The following TVP23A variants were observed in gnomAD, a reference collection of about 807,000 sequenced individuals.
The protein encoded by TVP23A is Golgi apparatus membrane protein TVP23 homolog A.
TVP23A carries 21 observed loss-of-function variants against 31.7 expected under a neutral mutation model. The observed-to-expected ratio is 0.66, with a 90% CI of 0.47 to 0.95. The LOEUF is 0.95. Among genes scored for constraint, TVP23A ranks in the 40% least tolerant of loss-of-function variants. The pLI is 0.00. For missense variants in TVP23A, 279 were observed against 255.6 expected (o/e 1.09, Z -0.62); for synonymous variants, 104 against 96.0 (o/e 1.08, Z -0.49).
intron 2 of TVP23A, among the ~76,000 whole-genome samples, chr16:10,776,498 G>A (rs2032030743): frequency 6.6e-6 from 1 of 152,190 alleles, no homozygotes; most frequent in African/African-American, 2.4e-5. Flanking sequence ...GTTTCTTTCT[G>A]TGGTTTCCCA....
At chr16:10,811,220 T>C (rs2034184697) in intron 2 of TVP23A, among the ~76,000 whole-genome samples, 6 of 152,168 alleles carry the variant, frequency 3.9e-5, no homozygotes, top group Admixed American at 3.9e-4. Flanking sequence ...CAAAACTGAA[T>C]CATACACTTT....
intron 2 of TVP23A, among the ~76,000 whole-genome samples, chr16:10,776,150 G>A (rs543380554): frequency 5.3e-5 from 8 of 151,396 alleles, no homozygotes; most frequent in South Asian, 4.2e-4. Flanking sequence ...CGAGGCGGGC[G>A]GATCACCTGA....
rs543949006 is a variant in TVP23A, at chr16:10,761,532, G to A, written c.*243C>T. 9.9e-5 allele frequency: 140 copies of A among 1,414,000 alleles called. 1 individual carries two copies. In the South Asian group the frequency reaches 1.3e-3, roughly 14 times the overall value. 87.6% of individuals were successfully genotyped at this position (1,414,000 alleles called of 1,614,324 possible). A position where few individuals can be genotyped will look rare whatever the true frequency, so the allele number is the denominator to read the frequency against. On this transcript the variant is annotated 3_prime_UTR_variant and NMD_transcript_variant, in exon 9 of 9. Transcript: ENST00000456096. Reference sequence around the variant, plus strand: ...ATCTTGCTCTCATGGATGAGGAAACGATCGGAAGGCTGCTCTGCAAACTAT... The same window carrying A: ...ATCTTGCTCTCATGGATGAGGAAACAATCGGAAGGCTGCTCTGCAAACTAT...
chr16:10,812,166 A>G (rs1391433398), intron 2 of TVP23A, among the ~76,000 whole-genome samples: 3 of 151,404 alleles, frequency 2.0e-5, no homozygotes, highest in South Asian at 2.1e-4. Context: ...CAGCAGCATC[A>G]TTAACCATTA....
At position 10,777,049 on chromosome 16, in the gene TVP23A, A is replaced by G. The variant is rs1333405530; in HGVS notation, c.90-1953T>C. Among the ~76,000 whole-genome samples the G allele has an allele frequency of 6.6e-6, 1 of 152,182 alleles. No homozygotes were observed. The highest frequency in any genetic ancestry group is 1.5e-5 in the Non-Finnish European group (1 of 68,034). On this transcript the variant is annotated intron_variant, in intron 2 of 7. Coordinates refer to ENST00000299866, the MANE Select transcript of TVP23A (RefSeq NM_001079512.4). The surrounding 1 kb of genome is among the most constrained non-coding windows in gnomAD (Gnocchi z 4.5). ...GTGACTTAGAATGCCTTAACCGTCC[A>G]GGAATGCAGCCCAGTAGGTCTCAGC...
downstream of TVP23A, among the ~76,000 whole-genome samples, chr16:10,762,630 G>C (rs552741112): frequency 1.3e-5 from 2 of 152,350 alleles, no homozygotes; most frequent in East Asian, 3.9e-4. Context: ...GGTCTGAGGG[G>C]AGAACAGAGA....
intron 2 of TVP23A, among the ~76,000 whole-genome samples, chr16:10,775,810 G>A (rs1399001851): frequency 1.4e-5 from 2 of 141,962 alleles, no homozygotes; most frequent in African/African-American, 2.7e-5. Flanking sequence ...GTGCAGTGGC[G>A]TGATCTCGGT....
Position 10,818,478 on chromosome 16 carries a change from G to A in TVP23A, c.9+7C>T, listed in dbSNP as rs1315949964. On this transcript the variant is annotated splice_region_variant and intron_variant, in intron 1 of 7. Coordinates refer to ENST00000299866, the MANE Select transcript of TVP23A (RefSeq NM_001079512.4). This position sits in a 1 kb window ranked among gnomAD's most constrained non-coding sequence, Gnocchi z 4.7. ...CGCCTCCAGCCCCAGCATCCCCGAG[G>A]CCCTACCTGCTTCATCACCCTCCCA... 1 of 1,604,964 alleles carries A rather than the reference G, an allele frequency of 6.2e-7. No individual in the cohort carries two copies. Among genetic ancestry groups the A allele is most frequent in the Non-Finnish European group, 8.5e-7 (1 of 1,178,714 alleles).
chr16:10,782,223 A>G (rs1596517352), intron 2 of TVP23A, among the ~76,000 whole-genome samples: 1 of 152,188 alleles, frequency 6.6e-6, no homozygotes, highest in East Asian at 1.9e-4. Flanking sequence ...AAAAATCACA[A>G]GTGAACTCAC....
At chr16:10,774,768 G>A (rs902695689) in intron 3 of TVP23A, among the ~76,000 whole-genome samples, 184 bp downstream of exon 3, 12 of 151,936 alleles carry the variant, frequency 7.9e-5, no homozygotes, top group Admixed American at 2.6e-4. Flanking sequence ...ACACCACCGC[G>A]CCAGGCTAAT....
At chr16:10,805,670 CA>C (rs1296815123) in intron 2 of TVP23A, among the ~76,000 whole-genome samples, 1 of 151,372 alleles carries the variant, frequency 6.6e-6, no homozygotes, top group Admixed American at 6.6e-5. Context: ...TTTTTTATCA[CA>C]TTCCGCTTTA....
intron 2 of TVP23A, among the ~76,000 whole-genome samples, chr16:10,799,332 C>T (rs553488095): frequency 1.3e-5 from 2 of 152,224 alleles, no homozygotes; most frequent in South Asian, 2.1e-4. Flanking sequence ...TGAAGAAGTT[C>T]TTTTTGTTTT....
Position 10,806,843 on chromosome 16 carries a change from C to T in TVP23A, c.89+11260G>A, listed in dbSNP as rs4780997. On this transcript the variant is annotated intron_variant, in intron 2 of 7. Coordinates refer to ENST00000299866, the MANE Select transcript of TVP23A (RefSeq NM_001079512.4). ...GTGGACACAGCTTATGCAATAATTT[C>T]ATGTGAACAAGAAATATAAATAAGA... Among the ~76,000 whole-genome samples the T allele has an allele frequency of 4.6e-3, 706 of 152,276 alleles. 11 individuals carry two copies. Among genetic ancestry groups the T allele is most frequent in the Admixed American group, 0.035 (538 of 15,280 alleles).
chr16:10,764,682 G>A (rs541574452), downstream of TVP23A, among the ~76,000 whole-genome samples: 1 of 148,800 alleles, frequency 6.7e-6, no homozygotes, highest in Admixed American at 6.7e-5. Context: ...TCAGTCTGCT[G>A]GAGTAGGTCT....
chr16:10,799,923 G>A (rs2033609834), intron 2 of TVP23A, among the ~76,000 whole-genome samples: 1 of 152,028 alleles, frequency 6.6e-6, no homozygotes, highest in African/African-American at 2.4e-5. Flanking sequence ...CCAGCCAGAT[G>A]GCATGAAAAG....
intron 2 of TVP23A, among the ~76,000 whole-genome samples, chr16:10,812,567 C>T (rs1400962101): frequency 6.6e-6 from 1 of 152,158 alleles, no homozygotes; most frequent in Non-Finnish European, 1.5e-5. Flanking sequence ...ATTATCCAGC[C>T]TTAAAAAGGA....
At chr16:10,806,536 T>G (rs943263185) in intron 2 of TVP23A, among the ~76,000 whole-genome samples, 1 of 152,126 alleles carries the variant, frequency 6.6e-6, no homozygotes, top group African/African-American at 2.4e-5. Context: ...GAGTTTCATT[T>G]TGTCACCCAG....
intron 4 of TVP23A, 60 bp downstream of exon 4, chr16:10,773,979 C>T (rs2031815579): frequency 7.3e-7 from 1 of 1,376,318 alleles, no homozygotes; most frequent in African/African-American, 1.4e-5. Flanking sequence ...AAGGAACCCA[C>T]AGAAACTTTC....
Position 10,766,686 on chromosome 16 carries a change from A to AGGAAG in TVP23A, c.*2411_*2415dup. The AGGAAG allele has an allele frequency of 2.9e-6, 1 of 349,340 alleles. No individual in the cohort carries two copies. The highest frequency in any genetic ancestry group is 5.1e-6 in the Non-Finnish European group (1 of 195,444). 21.6% of individuals were successfully genotyped at this position (349,340 alleles called of 1,614,324 possible). A position where few individuals can be genotyped will look rare whatever the true frequency, so the allele number is the denominator to read the frequency against. Reference sequence around the variant, plus strand: ...ACAAAACGCACAAAGAAAGGAAGGAAGGAAGGGATTTATTGAAAATGAAAG... The same window carrying AGGAAG: ...ACAAAACGCACAAAGAAAGGAAGGAAGGAAGGGAAGGGATTTATTGAAAATGAAAG... On this transcript the variant is annotated 3_prime_UTR_variant, in exon 8 of 8. Transcript: ENST00000299866. The surrounding 1 kb of genome is among the most constrained non-coding windows in gnomAD (Gnocchi z 4.8).
Sources: gnomAD v4.1 joint callset for allele counts (sites outside exome capture counted in the v4.1 genomes callset) on GRCh38, gnomAD v4.1.1 for gene constraint, Gnocchi (gnomAD v3.1) non-coding constraint, MANE v1.5 for transcripts, NCBI Gene and HGNC (gene_info 2026-07-23, HGNC 2026-07-21) for gene names.